The following TCF20 variants were observed in gnomAD, a reference collection of about 807,000 sequenced individuals.
TCF20 encodes the protein SPRE-binding protein.
Under a neutral mutation model 148.6 loss-of-function variants are expected in TCF20, and 3 were observed. The ratio of observed to expected loss-of-function variants is 0.02; its 90% CI spans 0.01 to 0.05. The LOEUF is 0.05. Ranked by LOEUF, TCF20 falls within the 10% of genes least tolerant of loss-of-function variation. The pLI is 1.00. For missense variants in TCF20, 2,350 were observed against 2,429.3 expected, an observed-to-expected ratio of 0.97 and a Z score of 0.69; for synonymous variants, 1,049 against 909.5, an observed-to-expected ratio of 1.15 and a Z score of -2.76.
At chr22:42,171,869 G>C (rs1936151630) in intron 3 of TCF20, among the ~76,000 whole-genome samples, 1 of 152,208 alleles carries the variant, frequency 6.6e-6, no homozygotes, top group African/African-American at 2.4e-5. Context: ...AGTGAGGACA[G>C]GGACCACACG....
At chr22:42,229,803 C>T (rs1157896916) in intron 1 of TCF20, among the ~76,000 whole-genome samples, 2 of 152,178 alleles carry the variant, frequency 1.3e-5, no homozygotes, top group African/African-American at 4.8e-5. Context: ...TCTTGCCTTC[C>T]CCAAACAGCT....
chr22:42,295,836 G>A (rs1927226701), intron 1 of TCF20, among the ~76,000 whole-genome samples: 1 of 152,068 alleles, frequency 6.6e-6, no homozygotes, highest in Non-Finnish European at 1.5e-5. Flanking sequence ...CCCCACCTCA[G>A]CAGCAGAAAT....
chr22:42,320,624 C>G (rs1198891039), intron 1 of TCF20, among the ~76,000 whole-genome samples: 1 of 152,222 alleles, frequency 6.6e-6, no homozygotes, highest in Non-Finnish European at 1.5e-5. Flanking sequence ...TGCTGTATCT[C>G]CGGGCTGTGT....
intron 1 of TCF20, among the ~76,000 whole-genome samples, chr22:42,226,317 T>C (rs1922889672): frequency 6.6e-6 from 1 of 152,250 alleles, no homozygotes; most frequent in Admixed American, 6.5e-5. Context: ...GTTGTATTAA[T>C]ACATAATTTC....
chr22:42,198,811 G>A (rs1275757623), intron 2 of TCF20, among the ~76,000 whole-genome samples: 7 of 151,860 alleles, frequency 4.6e-5, no homozygotes, highest in Non-Finnish European at 8.8e-5. Context: ...ACAGGCGCCC[G>A]CCACCACGTC....
chr22:42,228,610 A>C (rs1923118275), intron 1 of TCF20, among the ~76,000 whole-genome samples: 1 of 152,234 alleles, frequency 6.6e-6, no homozygotes, highest in Non-Finnish European at 1.5e-5. Context: ...TGTGAAGAGG[A>C]ACGAGGCTGG....
intron 1 of TCF20, among the ~76,000 whole-genome samples, chr22:42,321,910 G>A (rs1424226420): frequency 6.6e-6 from 1 of 150,906 alleles, no homozygotes; most frequent in Non-Finnish European, 1.5e-5. Context: ...TCACGCCACT[G>A]CACTCCAGCC....
At chr22:42,209,527 T>C (rs942071796) in intron 2 of TCF20, 124 bp downstream of exon 2, 3 of 1,138,476 alleles carry the variant, frequency 2.6e-6, no homozygotes, top group Admixed American at 4.9e-5. Flanking sequence ...TTTCTGTCCA[T>C]CACATGGGCA....
chr22:42,228,659 C>T (rs538780198), intron 1 of TCF20, among the ~76,000 whole-genome samples: 8 of 152,314 alleles, frequency 5.3e-5, no homozygotes, highest in African/African-American at 1.7e-4. Context: ...CATGGCAACA[C>T]GCGATTCCCA....
chr22:42,256,481 T>A (rs1226985924), intron 1 of TCF20, among the ~76,000 whole-genome samples: 5 of 152,110 alleles, frequency 3.3e-5, no homozygotes, highest in African/African-American at 1.2e-4. Context: ...AGTTTTTTTT[T>A]TTTTTTTAAA....
Position 42,282,577 on chromosome 22 carries a change from C to A in TCF20, c.-37+1250G>T, listed in dbSNP as rs960775338. On this transcript the variant is annotated intron_variant, in intron 1 of 5. Transcript: ENST00000359486. ...CCCATCCCAGCCTCGGTCCCAGGTT[C>A]TCGGTCTCTGGTCACGCTTGGGAAG... Among the ~76,000 whole-genome samples the A allele has an allele frequency of 3.9e-5, 6 of 152,270 alleles. No homozygotes were observed. The South Asian group carries it at 1.0e-3, about 26-fold the overall frequency.
At chr22:42,327,524 T>C (rs1184780517) in intron 1 of TCF20, among the ~76,000 whole-genome samples, 1 of 152,028 alleles carries the variant, frequency 6.6e-6, no homozygotes, top group Non-Finnish European at 1.5e-5. Context: ...TCATTTCCTG[T>C]GCGGAAGCTT....
intron 5 of TCF20, among the ~76,000 whole-genome samples, chr22:42,164,899 C>G (rs1935686945): frequency 6.6e-6 from 1 of 152,176 alleles, no homozygotes; most frequent in Admixed American, 6.5e-5. Context: ...CCCTGAGGAG[C>G]TGGAGGCAGC....
At chr22:42,161,673 G>A (rs910130720) in intron 5 of TCF20, among the ~76,000 whole-genome samples, 2 of 152,208 alleles carry the variant, frequency 1.3e-5, no homozygotes, top group Non-Finnish European at 2.9e-5. Flanking sequence ...TGACCTCAGG[G>A]CAGGCCCCAC....
chr22:42,332,186 A>G (rs1365427331), intron 1 of TCF20, among the ~76,000 whole-genome samples: 1 of 152,248 alleles, frequency 6.6e-6, no homozygotes, highest in East Asian at 1.9e-4. Flanking sequence ...AACATGCACC[A>G]GGAAGGCCCT....
intron 1 of TCF20, among the ~76,000 whole-genome samples, chr22:42,330,056 C>G (rs1601709197): frequency 6.6e-6 from 1 of 152,302 alleles, no homozygotes; most frequent in African/African-American, 2.4e-5. Flanking sequence ...AAGGCCTCAA[C>G]AGGGACCCAG....
intron 1 of TCF20, among the ~76,000 whole-genome samples, chr22:42,265,544 T>C (rs529681759): frequency 6.6e-6 from 1 of 152,348 alleles, no homozygotes; most frequent in South Asian, 2.1e-4. Flanking sequence ...ATCACTGTCA[T>C]GTACCGTTTT....
At chr22:42,270,261 G>A (rs532026895) in intron 1 of TCF20, among the ~76,000 whole-genome samples, 78 bp downstream of exon 1, 1 of 151,076 alleles carries the variant, frequency 6.6e-6, no homozygotes, top group African/African-American at 2.4e-5. Flanking sequence ...CCCAGCCCCC[G>A]AGGCCGGACA....
chr22:42,173,284 AC>A (rs371502466), intron 3 of TCF20, among the ~76,000 whole-genome samples: 16 of 149,946 alleles, frequency 1.1e-4, no homozygotes, highest in Admixed American at 4.0e-4. Context: ...TATTACTGTA[AC>A]CCCCCCCACC....
Sources: gnomAD v4.1 joint callset for allele counts (sites outside exome capture counted in the v4.1 genomes callset) on GRCh38, gnomAD v4.1.1 for gene constraint, MANE v1.5 for transcripts, NCBI Gene and HGNC (gene_info 2026-07-23, HGNC 2026-07-21) for gene names.